Variants in DNER observed in about 807,000 individuals in gnomAD.
DNER encodes delta/notch like EGF repeat containing.
A neutral mutation model predicts 78.2 loss-of-function variants in DNER; 33 were observed. The ratio of observed to expected loss-of-function variants is 0.42; its 90% CI spans 0.32 to 0.56. The LOEUF is 0.56. DNER is among the 20% of genes least tolerant of loss of function. The pLI is 0.11. For missense variants in DNER, 918 were observed against 975.3 expected, an observed-to-expected ratio of 0.94 and a Z score of 0.78; for synonymous variants, 417 against 384.8, an observed-to-expected ratio of 1.08 and a Z score of -0.98.
chr2:229,474,449 G>A (rs534724263), intron 7 of DNER, among the ~76,000 whole-genome samples: 1 of 152,242 alleles, frequency 6.6e-6, no homozygotes, highest in East Asian at 1.9e-4. Context: ...TCTTTGTAGT[G>A]GAAAATTCAT....
chr2:229,633,891 G>C (rs1698482441), intron 1 of DNER, among the ~76,000 whole-genome samples: 1 of 152,200 alleles, frequency 6.6e-6, no homozygotes, highest in African/African-American at 2.4e-5. Context: ...TCTTAACGCA[G>C]GTCACAGAAG....
chr2:229,599,880 G>A (rs17621252), intron 1 of DNER, among the ~76,000 whole-genome samples: 1 of 152,082 alleles, frequency 6.6e-6, no homozygotes, highest in African/African-American at 2.4e-5. Flanking sequence ...GTATTTATTT[G>A]TATGTATATT....
chr2:229,485,258 G>A (rs946113646), intron 6 of DNER, among the ~76,000 whole-genome samples: 2 of 152,156 alleles, frequency 1.3e-5, no homozygotes, highest in Non-Finnish European at 2.9e-5. Flanking sequence ...TAAAGGGTCT[G>A]ACCGTGAGCA....
chr2:229,446,231 A>C (rs1441508667), intron 8 of DNER, among the ~76,000 whole-genome samples: 1 of 152,232 alleles, frequency 6.6e-6, no homozygotes, highest in African/African-American at 2.4e-5. Context: ...GTGCTCACTA[A>C]ATAGTGGCTT....
intron 8 of DNER, among the ~76,000 whole-genome samples, chr2:229,439,028 G>A (rs1694182771): frequency 6.6e-6 from 1 of 152,172 alleles, no homozygotes; most frequent in Non-Finnish European, 1.5e-5. Flanking sequence ...GTCATGGGCA[G>A]AGAAATGACA....
rs568024123 is a variant in DNER at position 229,714,175 on chromosome 2, G to A, written c.249C>T (p.Pro83=). 304 of 1,334,122 alleles carry A rather than the reference G, an allele frequency of 2.3e-4. 4 individuals carry two copies. In the South Asian group the frequency reaches 5.0e-3, roughly 22 times the overall value. 82.6% of individuals were successfully genotyped at this position (1,334,122 alleles called of 1,614,324 possible). A position where few individuals can be genotyped will look rare whatever the true frequency, so the allele number is the denominator to read the frequency against. ...AGEPGYSCTC[P]AGISGANCQL... is the part of the protein sequence containing the mutation. ...GGCAGTTGGCGCCGGAGATCCCGGC[G>A]GGGCAGGTGCAGCTGTAGCCAGGCT... Residue 83 remains proline (P), a synonymous_variant, in exon 1 of 13, where the codon CCC becomes CCT. Transcript: ENST00000341772.
chr2:229,630,330 G>T (rs1161423147), intron 1 of DNER, among the ~76,000 whole-genome samples: 1 of 151,852 alleles, frequency 6.6e-6, no homozygotes, highest in Non-Finnish European at 1.5e-5. Context: ...ACAGAAATTA[G>T]CCGGGTATGC....
rs542350470 is a variant in DNER, at chr2:229,436,983, A to G, written c.1486+10333T>C. On this transcript the variant is annotated intron_variant, in intron 8 of 12. Transcript: ENST00000341772. ...GAATGTAAATGGGCTACATGCCCCA[A>G]TTAAAAGGCACAGAGTGGCCGGTTG... 2.0e-3 allele frequency among the ~76,000 whole-genome samples: 300 copies of G among 152,366 alleles called. 1 individual carries two copies. Among genetic ancestry groups the G allele is most frequent in the South Asian group, 7.9e-3 (38 of 4,824 alleles).
At position 229,593,685 on chromosome 2, in the gene DNER, A is replaced by G. The variant is rs547707127; in HGVS notation, c.277-1797T>C. The stretch of plus-strand genomic sequence containing the variant: ...GAGGGATGTGAACTTGTTGAGTCAC[A>G]AAGTTGTTATCTTGTTTCTGATTTA... On this transcript the variant is annotated intron_variant, in intron 1 of 12. Coordinates refer to ENST00000341772, the MANE Select transcript of DNER (RefSeq NM_139072.4). Among the ~76,000 whole-genome samples the G allele has an allele frequency of 9.0e-4, 137 of 152,372 alleles. No homozygotes were observed. The Middle Eastern group carries it at 0.01, about 11-fold the overall frequency.
At chr2:229,402,360 T>C (rs1384194888) in intron 10 of DNER, among the ~76,000 whole-genome samples, 1 of 152,162 alleles carries the variant, frequency 6.6e-6, no homozygotes, top group Non-Finnish European at 1.5e-5. Context: ...AGTAAAGACA[T>C]ATGAAGAGCA....
chr2:229,433,916 A>G (rs1405144442), intron 8 of DNER, among the ~76,000 whole-genome samples: 1 of 152,234 alleles, frequency 6.6e-6, no homozygotes, highest in Non-Finnish European at 1.5e-5. Flanking sequence ...CTTTTAAAAT[A>G]TATTTTGAAT....
Position 229,505,104 on chromosome 2 carries a change from A to G in DNER, c.1147+7679T>C, listed in dbSNP as rs544155206. 5.3e-5 allele frequency among the ~76,000 whole-genome samples: 8 copies of G among 151,414 alleles called. No homozygotes were observed. The South Asian group carries it at 1.7e-3, about 32-fold the overall frequency. ...CACCACCTGAAGGCTAAGTGCCCCC[A>G]TCAGACTATGACACAAGCAAAAATT... On this transcript the variant is annotated intron_variant, in intron 6 of 12. Transcript: ENST00000341772.
At chr2:229,620,304 G>C (rs1375076454) in intron 1 of DNER, among the ~76,000 whole-genome samples, 1 of 152,202 alleles carries the variant, frequency 6.6e-6, no homozygotes, top group Non-Finnish European at 1.5e-5. Context: ...AGCAAAACCA[G>C]ATATCAAAAT....
chr2:229,667,945 T>C (rs1292696019), intron 1 of DNER, among the ~76,000 whole-genome samples: 2 of 152,212 alleles, frequency 1.3e-5, no homozygotes, highest in African/African-American at 4.8e-5. Context: ...GAGGGACTCA[T>C]TGGAGATTTC....
intron 1 of DNER, among the ~76,000 whole-genome samples, chr2:229,666,670 T>C (rs1021014147): frequency 4.6e-5 from 7 of 152,226 alleles, no homozygotes; most frequent in African/African-American, 9.6e-5. Flanking sequence ...AGGATATCCT[T>C]AACAGCTGTT....
At chr2:229,598,362 C>T (rs959155649) in intron 1 of DNER, among the ~76,000 whole-genome samples, 3 of 152,206 alleles carry the variant, frequency 2.0e-5, no homozygotes, top group Non-Finnish European at 2.9e-5. Flanking sequence ...AGGCAGGATG[C>T]CTATAATAGG....
intron 1 of DNER, among the ~76,000 whole-genome samples, chr2:229,700,140 A>G (rs183738815): frequency 2.6e-5 from 4 of 152,176 alleles, no homozygotes; most frequent in Admixed American, 6.5e-5. Context: ...ATCATGTTTT[A>G]CCTATCAGTT....
chr2:229,690,893 A>T (rs1322256298), intron 1 of DNER, among the ~76,000 whole-genome samples: 1 of 152,214 alleles, frequency 6.6e-6, no homozygotes, highest in Non-Finnish European at 1.5e-5. Flanking sequence ...TGCTTATTAC[A>T]TTGCAATATT....
intron 11 of DNER, among the ~76,000 whole-genome samples, chr2:229,374,732 G>C: frequency 6.6e-6 from 1 of 152,216 alleles, no homozygotes; most frequent in East Asian, 1.9e-4. Flanking sequence ...AATCAATAAG[G>C]AATGTTTTGC....
Sources: gnomAD v4.1 joint callset for allele counts (sites outside exome capture counted in the v4.1 genomes callset) on GRCh38, gnomAD v4.1.1 for gene constraint, MANE v1.5 for transcripts, NCBI Gene and HGNC (gene_info 2026-07-23, HGNC 2026-07-21) for gene names.